STK32A: variants seen among roughly 807,000 people sequenced by gnomAD.
STK32A encodes serine/threonine kinase 32A.
In STK32A, 41 loss-of-function variants were observed where a neutral mutation model predicts 53.2. That is an observed-to-expected ratio of 0.77 (90% CI 0.60 to 1.00). STK32A has a LOEUF of 1.00. Ranked by LOEUF, STK32A falls within the 50% of genes least tolerant of loss-of-function variation. The pLI, the probability that STK32A is intolerant of heterozygous loss-of-function variation, is 0.00. For missense variants in STK32A, 458 were observed against 485.8 expected (o/e 0.94, Z 0.54); for synonymous variants, 166 against 162.8 (o/e 1.02, Z -0.15).
At chr5:147,399,000 C>T in the STK32A span, 1 of 1,535,356 alleles carries the variant, frequency 6.5e-7, no homozygotes, top group Non-Finnish European at 8.8e-7. Flanking sequence ...TACCCTGGCA[C>T]ACCACATAAA....
At chr5:147,398,361 G>C in the STK32A span, among the ~76,000 whole-genome samples, 2 of 152,134 alleles carry the variant, frequency 1.3e-5, no homozygotes, top group Non-Finnish European at 2.9e-5. Flanking sequence ...GCTTGTCTGG[G>C]TTTCAATGCT....
chr5:147,241,815 A>G (rs1232459276), intron 2 of STK32A, among the ~76,000 whole-genome samples: 1 of 152,168 alleles, frequency 6.6e-6, no homozygotes, highest in Non-Finnish European at 1.5e-5. Context: ...CTCAGAGCTA[A>G]TGTTGTACAT....
At chr5:147,252,569 G>A (rs945600114) in intron 2 of STK32A, among the ~76,000 whole-genome samples, 11 of 152,156 alleles carry the variant, frequency 7.2e-5, no homozygotes, top group East Asian at 1.9e-4. Flanking sequence ...TAGGAAATGC[G>A]TATTTAAATG....
chr5:147,354,006 G>GAGAC (rs1756108143), intron 7 of STK32A, among the ~76,000 whole-genome samples: 1 of 148,688 alleles, frequency 6.7e-6, no homozygotes, highest in African/African-American at 2.4e-5. Flanking sequence ...CATGTAACTA[G>GAGAC]AGAGAGAGAG....
intron 2 of STK32A, among the ~76,000 whole-genome samples, chr5:147,254,712 C>T (rs938578978): frequency 6.6e-6 from 1 of 152,020 alleles, no homozygotes; most frequent in Non-Finnish European, 1.5e-5. Flanking sequence ...AAGAGAATGA[C>T]GGGGTGAGGG....
chr5:147,351,336 G>A (rs1258322771), intron 7 of STK32A, among the ~76,000 whole-genome samples, 182 bp downstream of exon 7: 2 of 152,156 alleles, frequency 1.3e-5, no homozygotes, highest in African/African-American at 2.4e-5. Context: ...GATAGGAAAG[G>A]ACCATTGATT....
At chr5:147,341,385 C>T (rs1212173023) in intron 5 of STK32A, among the ~76,000 whole-genome samples, 1 of 152,154 alleles carries the variant, frequency 6.6e-6, no homozygotes, top group Non-Finnish European at 1.5e-5. Flanking sequence ...TCATTAAGTT[C>T]TTCATTTACT....
In STK32A at chr5:147,330,284, T is replaced by C. The variant is rs180885623; in HGVS notation, c.434+6213T>C. Among the ~76,000 whole-genome samples the C allele has an allele frequency of 3.5e-3, 532 of 152,296 alleles. 3 individuals carry two copies. Among genetic ancestry groups the C allele is most frequent in the African/African-American group, 0.012 (513 of 41,552 alleles). ...GCTGTAGGACCCATGGTGGCTACTT[T>C]CTTTAAATTTAACAAGGAGAAGAAT... On this transcript the variant is annotated intron_variant, in intron 5 of 12. Transcript: ENST00000397936.
chr5:147,239,678 A>G lies in STK32A; in HGVS notation c.44A>G (p.Asn15Ser), dbSNP rs774946551. The part of the protein sequence containing the change: ...TSRKPPVFDE[N>S]EDVNFDHFEI... ...AGAAAACCACCAGTGTTTGATGAAA[A>G]TGAAGATGGTAAGAAATATGGGATA... The change falls in exon 2 of 13, where the codon AAT becomes AGT. Residue 15 changes from asparagine (N) to serine (S), a missense_variant. Coordinates refer to ENST00000397936, the MANE Select transcript of STK32A (RefSeq NM_001112724.2). The G allele has an allele frequency of 6.2e-7, 1 of 1,607,402 alleles. No homozygotes were observed. Among genetic ancestry groups the G allele is most frequent in the African/African-American group, 1.3e-5 (1 of 74,744 alleles).
At chr5:147,291,974 T>G (rs1390070941) in intron 4 of STK32A, among the ~76,000 whole-genome samples, 1 of 152,190 alleles carries the variant, frequency 6.6e-6, no homozygotes, top group Non-Finnish European at 1.5e-5. Flanking sequence ...AGATTAGACT[T>G]TTAAAAGCCT....
chr5:147,262,313 C>G (rs965827408), intron 2 of STK32A, among the ~76,000 whole-genome samples: 1 of 152,044 alleles, frequency 6.6e-6, no homozygotes, highest in Non-Finnish European at 1.5e-5. Context: ...AGATTTAAAC[C>G]AGAAAACTAT....
intron 7 of STK32A, among the ~76,000 whole-genome samples, chr5:147,358,951 G>A (rs1321038793): frequency 1.3e-5 from 2 of 152,170 alleles, no homozygotes; most frequent in Non-Finnish European, 2.9e-5. Context: ...GTTATGAACA[G>A]AACAGGACAC....
chr5:147,277,153 A>C (rs1478817777), intron 2 of STK32A, among the ~76,000 whole-genome samples: 1 of 152,186 alleles, frequency 6.6e-6, no homozygotes, highest in Non-Finnish European at 1.5e-5. Context: ...TAAAGAGACA[A>C]ATTATATACC....
At chr5:147,373,337 G>C in intron 10 of STK32A, 43 bp downstream of exon 10, 1 of 1,606,698 alleles carries the variant, frequency 6.2e-7, no homozygotes, top group Non-Finnish European at 8.5e-7. Flanking sequence ...CATTCAGTGC[G>C]CATTACCCGG....
chr5:147,304,795 CAAG>C (rs1240287159), intron 4 of STK32A, among the ~76,000 whole-genome samples: 1 of 152,000 alleles, frequency 6.6e-6, no homozygotes, highest in East Asian at 1.9e-4. Flanking sequence ...GCTGCAAGGT[CAAG>C]AAGAAGAAGA....
chr5:147,347,968 T>C (rs1342391854), intron 6 of STK32A, among the ~76,000 whole-genome samples: 3 of 152,166 alleles, frequency 2.0e-5, no homozygotes, highest in Non-Finnish European at 2.9e-5. Flanking sequence ...TCTCCTTAAA[T>C]AGGCATCCTG....
At chr5:147,294,763 A>C (rs1752788715) in intron 4 of STK32A, among the ~76,000 whole-genome samples, 1 of 151,570 alleles carries the variant, frequency 6.6e-6, no homozygotes, top group Non-Finnish European at 1.5e-5. Flanking sequence ...GGCTCACTGC[A>C]ACCTCTGCCT....
intron 2 of STK32A, among the ~76,000 whole-genome samples, chr5:147,253,424 A>T (rs1020007303): frequency 1.3e-5 from 2 of 152,192 alleles, no homozygotes; most frequent in Admixed American, 6.5e-5. Context: ...AATATTATTT[A>T]AAAAACAAAT....
At chr5:147,244,072 C>G (rs1753689883) in intron 2 of STK32A, among the ~76,000 whole-genome samples, 1 of 152,152 alleles carries the variant, frequency 6.6e-6, no homozygotes, top group African/African-American at 2.4e-5. Context: ...TGTTAACAAC[C>G]ATTTGACTTT....
Sources: allele counts gnomAD v4.1 joint callset (sites outside exome capture counted in the v4.1 genomes callset), GRCh38; gene constraint gnomAD v4.1.1; transcripts MANE v1.5; gene names NCBI Gene and HGNC (gene_info 2026-07-23, HGNC 2026-07-21).